The following IGDCC4 variants were observed in gnomAD, a reference collection of about 807,000 sequenced individuals.
IGDCC4 encodes the protein likely ortholog of mouse neighbor of Punc E11.
In IGDCC4, 72 loss-of-function variants were observed where a neutral mutation model predicts 116.6. The ratio of observed to expected loss-of-function variants is 0.62; its 90% confidence interval spans 0.51 to 0.75. The LOEUF (loss-of-function observed/expected upper bound fraction) is 0.75. Among genes scored for constraint, IGDCC4 ranks in the 30% least tolerant of loss-of-function variants. The pLI, the probability that IGDCC4 is intolerant of heterozygous loss-of-function variation, is 0.00. For missense variants in IGDCC4, 1,501 were observed against 1,662.4 expected (o/e 0.90, Z 1.69); for synonymous variants, 709 against 719.9 (o/e 0.98, Z 0.24).
chr15:65,420,536 C>A (rs552791654), intron 1 of IGDCC4, among the ~76,000 whole-genome samples: 1 of 152,284 alleles, frequency 6.6e-6, no homozygotes, highest in East Asian at 1.9e-4. Context: ...GGCCAGAAAC[C>A]TTGGTGGGCC....
chr15:65,413,791 G>A (rs531509503), intron 1 of IGDCC4, among the ~76,000 whole-genome samples: 8 of 152,334 alleles, frequency 5.3e-5, no homozygotes, highest in East Asian at 1.9e-4. Flanking sequence ...ACAGAGCCAC[G>A]TGGGGACGTG....
At chr15:65,388,246 GAA>G (rs397793769) in intron 16 of IGDCC4, among the ~76,000 whole-genome samples, 6 of 122,760 alleles carry the variant, frequency 4.9e-5, no homozygotes, top group African/African-American at 9.2e-5. Flanking sequence ...CTCCATCTCA[GAA>G]AAAAAAAAAA....
At chr15:65,414,231 C>T (rs7171289) in intron 1 of IGDCC4, among the ~76,000 whole-genome samples, 39,835 of 152,076 alleles carry the variant, frequency 0.26, 6,079 homozygotes, top group East Asian at 0.69. Flanking sequence ...GTGTGAAGGG[C>T]GGACGGAGAG....
chr15:65,406,759 G>T (rs760566219), intron 3 of IGDCC4, among the ~76,000 whole-genome samples: 3 of 152,094 alleles, frequency 2.0e-5, no homozygotes, highest in Non-Finnish European at 4.4e-5. Flanking sequence ...TTATAGATGA[G>T]GATCACTTTT....
At position 65,393,308 on chromosome 15, in the gene IGDCC4, G is replaced by A; in HGVS notation, c.1885+53C>T. On this transcript the variant is annotated intron_variant, in intron 10 of 19. Transcript: ENST00000352385. This position sits in a 1 kb window ranked among gnomAD's most constrained non-coding sequence, Gnocchi z 4.6. ...GGGGCGCTGGGTCCCAAGGACACAC[G>A]CACACCCACACAGTCACACACACAC... is the stretch of plus-strand genomic sequence containing the variant. The A allele has an allele frequency of 6.0e-6, 9 of 1,512,052 alleles. No homozygotes were observed. The highest frequency in any genetic ancestry group is 2.4e-5 in the East Asian group (1 of 41,038). The allele number at this position is 1,512,052 out of a possible 1,614,324, so 93.7% of individuals were successfully genotyped here.
intron 1 of IGDCC4, among the ~76,000 whole-genome samples, chr15:65,416,652 G>A (rs933666588): frequency 2.6e-5 from 4 of 152,014 alleles, no homozygotes; most frequent in Non-Finnish European, 4.4e-5. Flanking sequence ...TCAGTGCCGG[G>A]GTGGACACAT....
intron 6 of IGDCC4, 38 bp from the exon 7 acceptor site, chr15:65,396,201 G>T: frequency 6.7e-7 from 1 of 1,493,934 alleles, no homozygotes; most frequent in Non-Finnish European, 8.9e-7. Flanking sequence ...GCGGGATCCC[G>T]CAACTAAGGT....
chr15:65,389,425 A>T lies in IGDCC4; in HGVS notation c.2409-14T>A. The T allele has an allele frequency of 6.2e-7, 1 of 1,614,178 alleles. No individual in the cohort carries two copies. The highest frequency in any genetic ancestry group is 8.5e-7 in the Non-Finnish European group (1 of 1,180,038). On this transcript the variant is annotated splice_polypyrimidine_tract_variant and intron_variant, in intron 13 of 19. Transcript: ENST00000352385. The stretch of plus-strand genomic sequence containing the variant: ...TCTTCTCCAGAACTGCTAAGGCAAG[A>T]AACGTGACTAGTGCTCTCAGGCACA...
chr15:65,404,360 G>A (rs979291058), intron 3 of IGDCC4, among the ~76,000 whole-genome samples: 1 of 152,156 alleles, frequency 6.6e-6, no homozygotes, highest in Non-Finnish European at 1.5e-5. Flanking sequence ...AGTGTGGCTG[G>A]AGCAAAATCC....
intron 1 of IGDCC4, among the ~76,000 whole-genome samples, chr15:65,412,511 CAAAAA>C (rs3082805): frequency 1.2e-4 from 2 of 16,718 alleles, no homozygotes; most frequent in East Asian, 1.9e-3. Context: ...GATTCCATCT[CAAAAA>C]AAAAAAAAAA....
chr15:65,421,689 CAAG>C (rs2063192325), intron 1 of IGDCC4, among the ~76,000 whole-genome samples: 1 of 150,974 alleles, frequency 6.6e-6, no homozygotes, highest in African/African-American at 2.4e-5. Context: ...CCCCCACCTC[CAAG>C]TCCCTCCCCG....
chr15:65,413,816 G>A (rs990383666), intron 1 of IGDCC4, among the ~76,000 whole-genome samples: 3 of 152,214 alleles, frequency 2.0e-5, no homozygotes, highest in Admixed American at 6.5e-5. Context: ...AAACAATGGC[G>A]AGGGAATCAG....
intron 1 of IGDCC4, among the ~76,000 whole-genome samples, chr15:65,421,421 C>A (rs1334565902): frequency 6.6e-6 from 1 of 152,212 alleles, no homozygotes; most frequent in Non-Finnish European, 1.5e-5. Flanking sequence ...GCCTCCAGCT[C>A]CTCTGGCCCA....
intron 1 of IGDCC4, among the ~76,000 whole-genome samples, chr15:65,422,411 G>A (rs1356174860): frequency 6.6e-6 from 1 of 151,738 alleles, no homozygotes; most frequent in African/African-American, 2.4e-5. Context: ...GACACGCGCA[G>A]GCAAGGCAGA....
chr15:65,411,008 G>T lies in IGDCC4; in HGVS notation c.421+12C>A. The T allele has an allele frequency of 6.3e-7, 1 of 1,596,894 alleles. No homozygotes were observed. Among genetic ancestry groups the T allele is most frequent in the Non-Finnish European group, 8.6e-7 (1 of 1,169,274 alleles). On this transcript the variant is annotated intron_variant, in intron 2 of 19. Coordinates refer to ENST00000352385, the MANE Select transcript of IGDCC4 (RefSeq NM_020962.3). ...TTTCAGCCTCAGACCCCCGCCCGAT[G>T]CAAGCACTTACTGGCAAGCTTGACG...
intron 5 of IGDCC4, 30 bp downstream of exon 5, chr15:65,400,776 T>G (rs772575098): frequency 1.3e-6 from 2 of 1,566,796 alleles, no homozygotes; most frequent in East Asian, 2.3e-5. Flanking sequence ...TCCCTTCCCA[T>G]GCCCTCCTTC....
intron 1 of IGDCC4, among the ~76,000 whole-genome samples, 178 bp from the exon 2 acceptor site, chr15:65,411,548 G>A (rs2063094838): frequency 6.6e-6 from 1 of 152,186 alleles, no homozygotes; most frequent in South Asian, 2.1e-4. Flanking sequence ...CTCTGTGCCT[G>A]TCTTCCCCTG....
rs1356848953 is a variant in IGDCC4 at position 65,386,503 on chromosome 15, T to G, written c.2951+48A>C. ...TCCCTGATGGCCCATTCTGCAGCCC[T>G]TCCTGGAAGTCTCCCTTCCCTGAAG... On this transcript the variant is annotated intron_variant, in intron 17 of 19. Coordinates refer to ENST00000352385, the MANE Select transcript of IGDCC4 (RefSeq NM_020962.3). 4 of 1,499,214 alleles carry G rather than the reference T, an allele frequency of 2.7e-6. No homozygotes were observed. The Admixed American group carries it at 5.8e-5, about 22-fold the overall frequency. 92.9% of individuals were successfully genotyped at this position (1,499,214 alleles called of 1,614,324 possible).
chr15:65,421,805 T>G (rs2063193679), intron 1 of IGDCC4, among the ~76,000 whole-genome samples: 2 of 145,836 alleles, frequency 1.4e-5, no homozygotes, highest in South Asian at 2.2e-4. Context: ...CCACCTACAC[T>G]CCCCATGAGC....
Sources: allele counts gnomAD v4.1 joint callset (sites outside exome capture counted in the v4.1 genomes callset), GRCh38; gene constraint gnomAD v4.1.1; non-coding constraint Gnocchi (gnomAD v3.1); transcripts MANE v1.5; gene names NCBI Gene and HGNC (gene_info 2026-07-23, HGNC 2026-07-21).